Variants in SEL1L2 observed in about 807,000 individuals in gnomAD.
SEL1L2 encodes SEL1L2 adaptor subunit of SYVN1 ubiquitin ligase.
A neutral mutation model predicts 98.8 loss-of-function variants in SEL1L2; 89 were observed. That is an observed-to-expected ratio of 0.90 (90% CI 0.76 to 1.07). SEL1L2 has a LOEUF of 1.07. Ranked by LOEUF, SEL1L2 falls within the 50% of genes least tolerant of loss-of-function variation. The pLI, the probability that SEL1L2 is intolerant of heterozygous loss-of-function variation, is 0.00. For missense variants in SEL1L2, 788 were observed against 812.0 expected, an observed-to-expected ratio of 0.97 and a Z score of 0.36; for synonymous variants, 262 against 278.5, an observed-to-expected ratio of 0.94 and a Z score of 0.59.
chr20:13,943,530 C>T (rs1002916816), intron 2 of SEL1L2, among the ~76,000 whole-genome samples: 1 of 146,984 alleles, frequency 6.8e-6, no homozygotes. Flanking sequence ...CTTAATTTTA[C>T]TAGAGCTACT....
At chr20:13,959,529 C>T (rs1600928452) in intron 1 of SEL1L2, among the ~76,000 whole-genome samples, 3 of 152,302 alleles carry the variant, frequency 2.0e-5, no homozygotes, top group South Asian at 2.1e-4. Context: ...CCTGACCGCT[C>T]GTCGTACAAC....
intron 2 of SEL1L2, among the ~76,000 whole-genome samples, chr20:13,946,031 A>G (rs1359712040): frequency 2.0e-5 from 3 of 152,228 alleles, no homozygotes; most frequent in Non-Finnish European, 2.9e-5. Flanking sequence ...CTCAACAGTT[A>G]AAGACCAAAA....
Position 13,979,854 on chromosome 20 carries a change from C to CAAACAGAATTTACATCAAACTA in SEL1L2, c.58+10601_58+10622dup, listed in dbSNP as rs1189860350. 2.6e-5 allele frequency among the ~76,000 whole-genome samples: 4 copies of CAAACAGAATTTACATCAAACTA among 152,156 alleles called. No individual in the cohort carries two copies. The East Asian group carries it at 7.7e-4, about 29-fold the overall frequency. On this transcript the variant is annotated intron_variant, in intron 1 of 19. Coordinates refer to ENST00000284951, the MANE Select transcript of SEL1L2 (RefSeq NM_025229.2). ...GCATAAGCAACAAAATGAAAACAGA[C>CAAACAGAATTTACATCAAACTA]AAACAGAATTTACATCAAACTAAAA...
At chr20:13,951,635 C>T (rs934864314) in intron 2 of SEL1L2, among the ~76,000 whole-genome samples, 1 of 12,246 alleles carries the variant, frequency 8.2e-5, no homozygotes, top group Non-Finnish European at 1.7e-4. Context: ...AAAATCTAGC[C>T]TATGTAGAAA....
chr20:13,859,279 C>T lies in SEL1L2; in HGVS notation c.1801G>A (p.Gly601Ser), dbSNP rs147272086. ...MFNLAYMYEHGLGITKDIHLA... is the reference protein window; with the variant it reads ...MFNLAYMYEHSLGITKDIHLA... ...AAAATTACCTTTGTGATGCCTAAGC[C>T]GTGTTCATACATATAAGCCAGATTG... Residue 601 changes from glycine to serine, a missense_variant, in exon 18 of 20, where the codon GGC becomes AGC. By Grantham distance (56) the Gly-to-Ser change is moderately conservative. Transcript: ENST00000284951. 2.5e-4 allele frequency: 397 copies of T among 1,614,042 alleles called. 1 individual carries two copies. The East Asian group carries it at 6.1e-3, about 25-fold the overall frequency.
At chr20:13,874,819 C>T (rs6042406) in intron 12 of SEL1L2, among the ~76,000 whole-genome samples, 17,304 of 152,154 alleles carry the variant, frequency 0.11, 1,076 homozygotes, top group African/African-American at 0.16. Context: ...TGAAATGATT[C>T]CTGGTTTGAG....
intron 18 of SEL1L2, among the ~76,000 whole-genome samples, chr20:13,852,994 GA>G (rs1033785903): frequency 1.3e-4 from 20 of 151,812 alleles, no homozygotes; most frequent in African/African-American, 4.1e-4. Context: ...GAACAAATAA[GA>G]AAAAAAGCCA....
chr20:13,856,757 G>A (rs1431770415), intron 18 of SEL1L2, among the ~76,000 whole-genome samples: 2 of 152,084 alleles, frequency 1.3e-5, no homozygotes, highest in Admixed American at 6.6e-5. Flanking sequence ...CTTCCCCAGA[G>A]GTCTTAAATG....
At chr20:13,939,040 G>GTTTTTTTTTTTTTTTTTTTTTTT (rs386365633) in intron 2 of SEL1L2, among the ~76,000 whole-genome samples, 11 of 114,086 alleles carry the variant, frequency 9.6e-5, no homozygotes, top group African/African-American at 3.1e-4. Context: ...TGCTTGTTTT[G>GTTTTTTTTTTTTTTTTTTTTTTT]TTTTTTTTTT....
intron 5 of SEL1L2, among the ~76,000 whole-genome samples, chr20:13,898,881 T>C (rs1490753042): frequency 6.6e-6 from 1 of 152,196 alleles, no homozygotes; most frequent in African/African-American, 2.4e-5. Flanking sequence ...TATCTGGGAT[T>C]ACAGGTGCCT....
chr20:13,937,722 T>C (rs970831889), intron 2 of SEL1L2, among the ~76,000 whole-genome samples: 22 of 152,210 alleles, frequency 1.4e-4, no homozygotes, highest in Admixed American at 1.3e-3. Context: ...CAATTATTTA[T>C]AGACACTTTG....
intron 18 of SEL1L2, chr20:13,851,306 T>G (rs1449156021): frequency 6.6e-6 from 1 of 152,140 alleles, no homozygotes; most frequent in Non-Finnish European, 1.5e-5. Flanking sequence ...CAATTCTCAT[T>G]ATCTTCATAG....
chr20:13,963,976 A>C (rs1194805931), intron 1 of SEL1L2, among the ~76,000 whole-genome samples: 2 of 151,942 alleles, frequency 1.3e-5, no homozygotes, highest in Admixed American at 6.5e-5. Flanking sequence ...GGTCCAAGCG[A>C]TTCTCCTGCT....
intron 5 of SEL1L2, 136 bp downstream of exon 5, chr20:13,913,646 C>T (rs1199186458): frequency 1.4e-6 from 1 of 707,938 alleles, no homozygotes; most frequent in African/African-American, 1.9e-5. Flanking sequence ...ACCACTGTTT[C>T]AGTGCATTAT....
chr20:13,902,605 C>G (rs368715289), intron 5 of SEL1L2, among the ~76,000 whole-genome samples: 2 of 152,146 alleles, frequency 1.3e-5, no homozygotes, highest in South Asian at 4.1e-4. Context: ...TTCCTGACAC[C>G]ATCCTTCCTA....
At chr20:13,892,309 A>C (rs6135003) in intron 5 of SEL1L2, among the ~76,000 whole-genome samples, 3,594 of 151,968 alleles carry the variant, frequency 0.024, 102 homozygotes, top group East Asian at 0.094. Context: ...ATCAGCCACC[A>C]TATGATGGCA....
At position 13,877,520 on chromosome 20, in the gene SEL1L2, C is replaced by T; in HGVS notation, c.1026G>A (p.Lys342=). Residue 342 remains lysine (K), a splice_region_variant and synonymous_variant, in exon 11 of 20, where the codon AAG becomes AAA. Coordinates refer to ENST00000284951, the MANE Select transcript of SEL1L2 (RefSeq NM_025229.2). The stretch of plus-strand genomic sequence containing the variant: ...CAATGAATCAAGATGAAGCATGTAC[C>T]TTTCCTATAAATGCCATGGCATTTG... ...GSANAMAFIG[K]MYLEGNAAVP... is the part of the protein sequence containing the mutation. 1 of 1,607,912 alleles carries T rather than the reference C, an allele frequency of 6.2e-7. No homozygotes were observed. The highest frequency in any genetic ancestry group is 8.5e-7 in the Non-Finnish European group (1 of 1,174,994).
chr20:13,889,430 A>G (rs1046725339), intron 5 of SEL1L2, among the ~76,000 whole-genome samples: 12 of 152,340 alleles, frequency 7.9e-5, no homozygotes, highest in Non-Finnish European at 1.6e-4. Flanking sequence ...AGTATAAATT[A>G]TAGCAATAAA....
Position 13,850,265 on chromosome 20 carries a change from C to T in SEL1L2, c.1873G>A (p.Ala625Thr). 1.2e-6 allele frequency: 2 copies of T among 1,614,070 alleles called. No individual in the cohort carries two copies. Among genetic ancestry groups the T allele is most frequent in the Non-Finnish European group, 1.7e-6 (2 of 1,179,922 alleles). The stretch of plus-strand genomic sequence containing the variant: ...ACGGCAAAGAGCACAGGTATGTGGG[C>T]ATCTGGACTCGTTTGAGCAGCCATG... ...YDMAAQTSPD[A>T]HIPVLFAVMK... Residue 625 changes from alanine (A) to threonine (T), a missense_variant, in exon 19 of 20, where the codon GCC (alanine) becomes ACC (threonine). Transcript: ENST00000284951.
Sources: allele counts gnomAD v4.1 joint callset (sites outside exome capture counted in the v4.1 genomes callset), GRCh38; gene constraint gnomAD v4.1.1; transcripts MANE v1.5; gene names NCBI Gene and HGNC (gene_info 2026-07-23, HGNC 2026-07-21).